PACSIN1: variants seen among roughly 807,000 people sequenced by gnomAD.
PACSIN1 encodes the protein protein kinase C and casein kinase substrate in neurons 1, also known as protein kinase C and casein kinase substrate in neurons protein 1.
PACSIN1 carries 15 observed loss-of-function variants against 59.5 expected under a neutral mutation model. That is an observed-to-expected ratio of 0.25 (90% CI 0.17 to 0.39). The LOEUF (loss-of-function observed/expected upper bound fraction) is 0.39, where lower values mean the gene tolerates loss of function less well. PACSIN1 is among the 10% of genes least tolerant of loss of function. PACSIN1 has a pLI of 1.00. For missense variants in PACSIN1, 420 were observed against 580.2 expected (o/e 0.72, Z 2.84); for synonymous variants, 210 against 220.6 (o/e 0.95, Z 0.42).
In PACSIN1 at chr6:34,526,143, C is replaced by T. The variant is rs1767477400; in HGVS notation, c.-63-100C>T. On this transcript the variant is annotated intron_variant, in intron 1 of 9. Coordinates refer to ENST00000244458, the MANE Select transcript of PACSIN1 (RefSeq NM_020804.5). ...CAGGAAGATGGCATCCTAATGCAAG[C>T]CTCCCTGGGTCCCATCGGTTTGGGG... 10 of 598,054 alleles carry T rather than the reference C, an allele frequency of 1.7e-5. No individual in the cohort carries two copies. The South Asian group carries it at 1.8e-4, about 11-fold the overall frequency. 37.0% of individuals were successfully genotyped at this position (598,054 alleles called of 1,614,324 possible). A position where few individuals can be genotyped will look rare whatever the true frequency, so the allele number is the denominator to read the frequency against.
rs569390385 is a variant in PACSIN1 at position 34,515,543 on chromosome 6, G to C, written c.-63-10700G>C. ...CCCCCGATGACACCAGAGCCTCCCT[G>C]CTGGCCCTGGATGGTCTCAGGCACT... On this transcript the variant is annotated intron_variant, in intron 1 of 9. Transcript: ENST00000244458. This position sits in a 1 kb window ranked among gnomAD's most constrained non-coding sequence, Gnocchi z 4.4. Among the ~76,000 whole-genome samples, 227 of 152,306 alleles carry C rather than the reference G, an allele frequency of 1.5e-3. No homozygotes were observed. The highest frequency in any genetic ancestry group is 5.3e-3 in the African/African-American group (220 of 41,570).
intron 1 of PACSIN1, among the ~76,000 whole-genome samples, chr6:34,496,888 T>C (rs960348158): frequency 3.3e-5 from 5 of 151,072 alleles, no homozygotes; most frequent in African/African-American, 1.2e-4. Context: ...GAGCTCCAGT[T>C]TCAACTTAAA....
At position 34,517,674 on chromosome 6, in the gene PACSIN1, T is replaced by G. The variant is rs1343022195; in HGVS notation, c.-63-8569T>G. On this transcript the variant is annotated intron_variant, in intron 1 of 9. Transcript: ENST00000244458. ...CTCAGGCCTTTGCTCCAAGGCCACCTGCTCAGAATGACCTTCTCTGACCAT... is the reference window on the plus strand; with the variant it reads ...CTCAGGCCTTTGCTCCAAGGCCACCGGCTCAGAATGACCTTCTCTGACCAT... Among the ~76,000 whole-genome samples, 4 of 152,166 alleles carry G rather than the reference T, an allele frequency of 2.6e-5. No homozygotes were observed. The East Asian group carries it at 7.8e-4, about 30-fold the overall frequency.
rs773314901 is a variant in PACSIN1 at position 34,530,371 on chromosome 6, TATGTGGG to T, written c.909+9_909+15del. ...AACTGGCCCCAGTTTGAGGTGAGGA[TATGTGGG>T]GATGGGAAGGGGAGCCTGAAGAGGC... On this transcript the variant is annotated intron_variant, in intron 7 of 9. Coordinates refer to ENST00000244458, the MANE Select transcript of PACSIN1 (RefSeq NM_020804.5). The surrounding 1 kb of genome is among the most constrained non-coding windows in gnomAD (Gnocchi z 4.4). The T allele has an allele frequency of 6.2e-7, 1 of 1,612,702 alleles. No homozygotes were observed. The highest frequency in any genetic ancestry group is 8.5e-7 in the Non-Finnish European group (1 of 1,179,110).
At chr6:34,483,090 G>A (rs2127246628) in intron 1 of PACSIN1, among the ~76,000 whole-genome samples, 1 of 146,808 alleles carries the variant, frequency 6.8e-6, no homozygotes, top group South Asian at 2.1e-4. Flanking sequence ...CTGCAGCCTC[G>A]ACTTCCTGGG....
In PACSIN1 at chr6:34,500,615, T is replaced by C. The variant is rs537008006; in HGVS notation, c.-63-25628T>C. Among the ~76,000 whole-genome samples the C allele has an allele frequency of 3.3e-5, 5 of 152,326 alleles. No individual in the cohort carries two copies. The East Asian group carries it at 9.6e-4, about 29-fold the overall frequency. On this transcript the variant is annotated intron_variant, in intron 1 of 9. Coordinates refer to ENST00000244458, the MANE Select transcript of PACSIN1 (RefSeq NM_020804.5). ...GCCTTAGAATTTCAGGAATGGTAAA[T>C]GAGCACTGGCTTCAACTTAAAATCA... is the stretch of plus-strand genomic sequence containing the variant.
chr6:34,522,602 A>G lies in PACSIN1; in HGVS notation c.-63-3641A>G, dbSNP rs1390053991. Among the ~76,000 whole-genome samples the G allele has an allele frequency of 3.9e-5, 6 of 152,154 alleles. No individual in the cohort carries two copies. In the South Asian group the frequency reaches 1.2e-3, roughly 32 times the overall value. On this transcript the variant is annotated intron_variant, in intron 1 of 9. Coordinates refer to ENST00000244458, the MANE Select transcript of PACSIN1 (RefSeq NM_020804.5). ...TAGATAGGTAGGTAGAGAAAGATGGATGAGAAGGGATTTATTAGGGGAGCT... is the reference window on the plus strand; with the variant it reads ...TAGATAGGTAGGTAGAGAAAGATGGGTGAGAAGGGATTTATTAGGGGAGCT...
chr6:34,520,817 G>A (rs1356845050), intron 1 of PACSIN1, among the ~76,000 whole-genome samples: 3 of 152,158 alleles, frequency 2.0e-5, no homozygotes, highest in Non-Finnish European at 4.4e-5. Context: ...GGGCTCTCCA[G>A]GAGAAGCCCG....
rs1017902276 is a variant in PACSIN1, at chr6:34,516,507, C to G, written c.-63-9736C>G. 6.6e-6 allele frequency among the ~76,000 whole-genome samples: 1 copy of G among 152,236 alleles called. No homozygotes were observed. Among genetic ancestry groups the G allele is most frequent in the Admixed American group, 6.5e-5 (1 of 15,290 alleles). Reference sequence around the variant, plus strand: ...GGGTGGGAGCTGATATCTGCCCTGCCTCACCTCCTGCAGCCAGGCCTGCTG... The same window carrying G: ...GGGTGGGAGCTGATATCTGCCCTGCGTCACCTCCTGCAGCCAGGCCTGCTG... On this transcript the variant is annotated intron_variant, in intron 1 of 9. Coordinates refer to ENST00000244458, the MANE Select transcript of PACSIN1 (RefSeq NM_020804.5). This position sits in a 1 kb window ranked among gnomAD's most constrained non-coding sequence, Gnocchi z 5.4.
intron 1 of PACSIN1, among the ~76,000 whole-genome samples, chr6:34,511,705 C>T (rs56921035): frequency 0.012 from 1,877 of 152,260 alleles, 34 homozygotes; most frequent in African/African-American, 0.042. Context: ...CTGTTGTGGG[C>T]TGGGGTTGGG....
At chr6:34,511,701 T>C (rs1767206012) in intron 1 of PACSIN1, among the ~76,000 whole-genome samples, 1 of 152,012 alleles carries the variant, frequency 6.6e-6, no homozygotes, top group Non-Finnish European at 1.5e-5. Context: ...CTGCCTGTTG[T>C]GGGCTGGGGT....
At chr6:34,482,031 T>C (rs1766726583) in intron 1 of PACSIN1, among the ~76,000 whole-genome samples, 1 of 152,230 alleles carries the variant, frequency 6.6e-6, no homozygotes, top group Admixed American at 6.5e-5. Flanking sequence ...TTCATATAAA[T>C]TGAATCATAT....
intron 1 of PACSIN1, among the ~76,000 whole-genome samples, chr6:34,474,225 G>A (rs973279259): frequency 2.6e-5 from 4 of 152,040 alleles, no homozygotes; most frequent in African/African-American, 9.7e-5. Context: ...AGTTGCATTT[G>A]TCTGTCCCTG....
At chr6:34,482,684 GT>G (rs56763761) in intron 1 of PACSIN1, among the ~76,000 whole-genome samples, 77,055 of 138,802 alleles carry the variant, frequency 0.56, 21,333 homozygotes, top group African/African-American at 0.74. Flanking sequence ...TTTTGTTTTT[GT>G]TTTTTTTTTT....
At position 34,530,173 on chromosome 6, in the gene PACSIN1, C is replaced by T; in HGVS notation, c.789-70C>T. On this transcript the variant is annotated intron_variant, in intron 6 of 9. Transcript: ENST00000244458. This position sits in a 1 kb window ranked among gnomAD's most constrained non-coding sequence, Gnocchi z 4.4. ...CCTGCTTCCCTGAGTGGACTCTGGCCTCTCACCAAGGTTGAGGAGGGGCCA... is the reference window on the plus strand; with the variant it reads ...CCTGCTTCCCTGAGTGGACTCTGGCTTCTCACCAAGGTTGAGGAGGGGCCA... 1 of 1,528,322 alleles carries T rather than the reference C, an allele frequency of 6.5e-7. No homozygotes were observed. The highest frequency in any genetic ancestry group is 8.8e-7 in the Non-Finnish European group (1 of 1,132,900). 94.7% of individuals were successfully genotyped at this position (1,528,322 alleles called of 1,614,324 possible).
intron 1 of PACSIN1, among the ~76,000 whole-genome samples, chr6:34,469,275 T>C (rs1766539109): frequency 6.6e-6 from 1 of 152,140 alleles, no homozygotes. Context: ...GTAATATAGG[T>C]TTGCTGTGGG....
At chr6:34,504,543 G>A (rs974661561) in intron 1 of PACSIN1, among the ~76,000 whole-genome samples, 3 of 151,916 alleles carry the variant, frequency 2.0e-5, no homozygotes, top group Admixed American at 6.6e-5. Flanking sequence ...CACCTGCCTC[G>A]GCTTCCCCAA....
In PACSIN1 at chr6:34,531,634, A is replaced by G; in HGVS notation, c.1072A>G (p.Thr358Ala). 1 of 1,613,990 alleles carries G rather than the reference A, an allele frequency of 6.2e-7. No individual in the cohort carries two copies. Among genetic ancestry groups the G allele is most frequent in the Middle Eastern group, 1.6e-4 (1 of 6,062 alleles). ...CTACGACAGAGGCCAGCCCTACGCC[A>G]CCGAGTGGTCAGACGACGAGAGTGG... ...SSYDRGQPYATEWSDDESGNP... is the reference protein window; with the variant it reads ...SSYDRGQPYAAEWSDDESGNP... Residue 358 changes from threonine (T) to alanine (A), a missense_variant, in exon 9 of 10, where the codon ACC (threonine) becomes GCC (alanine). Coordinates refer to ENST00000244458, the MANE Select transcript of PACSIN1 (RefSeq NM_020804.5). This position sits in a 1 kb window ranked among gnomAD's most constrained non-coding sequence, Gnocchi z 4.4.
chr6:34,529,420 C>A lies in PACSIN1; in HGVS notation c.480C>A (p.Tyr160Ter). The change falls in exon 5 of 10, where the codon TAC becomes TAA. Residue 160 changes from tyrosine (Y) to a stop codon, truncating the protein, a stop_gained. Transcript: ENST00000244458. LOFTEE classifies it high-confidence loss of function. The surrounding 1 kb of genome is among the most constrained non-coding windows in gnomAD (Gnocchi z 6.3). ...AGCTGGAGGCAGCCAAGAAGGCCTA[C>A]CATTTGGCTTGCAAAGAGGAAAAGC... is the stretch of plus-strand genomic sequence containing the variant. ...MKELEAAKKA[Y>*]HLACKEEKLA... 6.2e-7 allele frequency: 1 copy of A among 1,614,158 alleles called. No homozygotes were observed. Among genetic ancestry groups the A allele is most frequent in the South Asian group, 1.1e-5 (1 of 91,086 alleles).
Sources: gnomAD v4.1 joint callset for allele counts (sites outside exome capture counted in the v4.1 genomes callset) on GRCh38, gnomAD v4.1.1 for gene constraint, Gnocchi (gnomAD v3.1) non-coding constraint, MANE v1.5 for transcripts, NCBI Gene and HGNC (gene_info 2026-07-23, HGNC 2026-07-21) for gene names.